The following SLC6A13 variants were observed in gnomAD, a reference collection of about 807,000 sequenced individuals.
The protein encoded by SLC6A13 is sodium- and chloride-dependent GABA transporter 2.
SLC6A13 carries 69 observed loss-of-function variants against 72.9 expected under a neutral mutation model. The ratio of observed to expected loss-of-function variants is 0.95; its 90% CI spans 0.78 to 1.16. The LOEUF (loss-of-function observed/expected upper bound fraction) is 1.16, where lower values mean the gene tolerates loss of function less well. Among genes scored for constraint, SLC6A13 ranks in the 50% most tolerant of loss-of-function variants. The probability of loss-of-function intolerance (pLI) is 0.00; values close to 1 mark genes in which losing one functional copy is unlikely to be tolerated. For synonymous variants in SLC6A13, 303 were observed against 303.0 expected, an observed-to-expected ratio of 1.00 and a Z score of 0.00; for missense variants, 735 against 760.5, an observed-to-expected ratio of 0.97 and a Z score of 0.39.
At position 258,151 on chromosome 12, in the gene SLC6A13, G is replaced by A. The variant is rs962593634; in HGVS notation, c.202+1700C>T. Among the ~76,000 whole-genome samples, 4 of 152,326 alleles carry A rather than the reference G, an allele frequency of 2.6e-5. No individual in the cohort carries two copies. In the South Asian group the frequency reaches 8.3e-4, roughly 32 times the overall value. ...TCCCTCTTCCCTCACAGTGCAAACT[G>A]AGCAAAGTCCTATGATTTCAGGCCA... On this transcript the variant is annotated intron_variant, in intron 2 of 14. Transcript: ENST00000343164.
intron 11 of SLC6A13, 147 bp downstream of exon 11, chr12:223,845 C>T (rs1473870240): frequency 1.1e-6 from 1 of 875,810 alleles, no homozygotes; most frequent in Admixed American, 2.3e-5. Flanking sequence ...CTTTGTCGTT[C>T]CTGGGATGGG....
At chr12:235,919 T>A (rs991176571) in intron 6 of SLC6A13, among the ~76,000 whole-genome samples, 6 of 152,162 alleles carry the variant, frequency 3.9e-5, no homozygotes, top group Non-Finnish European at 8.8e-5. Flanking sequence ...GACTGAGATA[T>A]GCCCTGGTCT....
At chr12:255,758 A>C (rs191709688) in intron 2 of SLC6A13, among the ~76,000 whole-genome samples, 115 of 152,306 alleles carry the variant, frequency 7.6e-4, no homozygotes, top group Non-Finnish European at 1.5e-3. Context: ...TCTGAATGTC[A>C]CTAGAGCAAA....
intron 7 of SLC6A13, among the ~76,000 whole-genome samples, chr12:229,998 A>C (rs1941640850): frequency 6.6e-6 from 1 of 151,876 alleles, no homozygotes. Context: ...GGGTCAATGC[A>C]CTCTTCTTTG....
At chr12:223,288 A>G in intron 11 of SLC6A13, 54 bp from the exon 12 acceptor site, 1 of 1,154,416 alleles carries the variant, frequency 8.7e-7, no homozygotes, top group Non-Finnish European at 1.3e-6. Flanking sequence ...AAACAGAAAG[A>G]TTCACTCCTA....
At chr12:221,108 C>A in intron 14 of SLC6A13, 38 bp from the exon 15 acceptor site, 2 of 1,553,912 alleles carry the variant, frequency 1.3e-6, no homozygotes, top group Non-Finnish European at 8.7e-7. Context: ...GGTGGTGGAG[C>A]GGGGGCAGGT....
At chr12:235,501 TCTTTA>T (rs1268085628) in intron 6 of SLC6A13, among the ~76,000 whole-genome samples, 3 of 152,210 alleles carry the variant, frequency 2.0e-5, no homozygotes, top group Non-Finnish European at 4.4e-5. Context: ...CTTATGCCTG[TCTTTA>T]CTTTAATCTC....
At chr12:226,246 G>A (rs1024598993) in intron 9 of SLC6A13, 144 bp downstream of exon 9, 10 of 955,090 alleles carry the variant, frequency 1.0e-5, no homozygotes, top group Middle Eastern at 2.4e-4. Flanking sequence ...TCAATTCTCC[G>A]CCAAGTCTTC....
intron 5 of SLC6A13, among the ~76,000 whole-genome samples, chr12:237,710 G>T (rs954856766): frequency 1.3e-5 from 2 of 152,148 alleles, no homozygotes; most frequent in Admixed American, 6.5e-5. Flanking sequence ...GCGGGGGTGC[G>T]GGCAAGGAAG....
intron 2 of SLC6A13, among the ~76,000 whole-genome samples, chr12:248,286 T>C (rs1442095295): frequency 8.1e-6 from 1 of 123,602 alleles, no homozygotes; most frequent in African/African-American, 3.1e-5. Context: ...TAGAAAGATA[T>C]ACCATGCTGG....
At position 224,425 on chromosome 12, in the gene SLC6A13, G is replaced by C; in HGVS notation, c.1149C>G (p.Val383=). 1.2e-6 allele frequency: 2 copies of C among 1,614,032 alleles called. No homozygotes were observed. Among genetic ancestry groups the C allele is most frequent in the Admixed American group, 1.7e-5 (1 of 60,028 alleles). ...PLWACCFFFM[V]VLLGLDSQFV... The stretch of plus-strand genomic sequence containing the variant: ...CCTGGCTATCCAGTCCCAGGAGAAC[G>C]ACCATGAAGAAGAAACAGCAGGCCC... The change falls in exon 10 of 15, where the codon GTC becomes GTG. Residue 383 remains valine, a synonymous_variant. Transcript: ENST00000343164.
chr12:251,161 A>AC (rs1055774090), intron 2 of SLC6A13, among the ~76,000 whole-genome samples: 4 of 151,044 alleles, frequency 2.6e-5, no homozygotes, highest in African/African-American at 9.9e-5. Context: ...GTCTCAAAAA[A>AC]AAACAAAAAA....
At chr12:236,274 A>C (rs2137282772) in intron 6 of SLC6A13, among the ~76,000 whole-genome samples, 1 of 151,902 alleles carries the variant, frequency 6.6e-6, no homozygotes, top group East Asian at 1.9e-4. Context: ...CCCTTTTAAA[A>C]CCCTTAATAA....
chr12:255,201 G>C (rs773539693), intron 2 of SLC6A13, among the ~76,000 whole-genome samples: 1 of 152,124 alleles, frequency 6.6e-6, no homozygotes, highest in Non-Finnish European at 1.5e-5. Context: ...TGAGCTACTC[G>C]CTCTGCCAGC....
In SLC6A13 at chr12:235,573, G is replaced by A. The variant is rs144561752; in HGVS notation, c.697-349C>T. On this transcript the variant is annotated intron_variant, in intron 6 of 14. Coordinates refer to ENST00000343164, the MANE Select transcript of SLC6A13 (RefSeq NM_016615.5). ...TACATCACCTCACCTCAAGACCACC[G>A]TGATAATTGTATTAACTGTACAAAT... 1.1e-3 allele frequency among the ~76,000 whole-genome samples: 173 copies of A among 152,084 alleles called. 1 individual carries two copies. Among genetic ancestry groups the A allele is most frequent in the African/African-American group, 3.4e-3 (143 of 41,472 alleles).
chr12:228,370 C>T (rs944467721), intron 7 of SLC6A13, among the ~76,000 whole-genome samples: 1 of 152,098 alleles, frequency 6.6e-6, no homozygotes, highest in Non-Finnish European at 1.5e-5. Context: ...CAGGACCGAG[C>T]GACCCTGCAG....
Position 242,613 on chromosome 12 carries a change from C to A in SLC6A13, c.478+1G>T. On this transcript the variant is annotated splice_donor_variant, in intron 4 of 14. Coordinates refer to ENST00000343164, the MANE Select transcript of SLC6A13 (RefSeq NM_016615.5). LOFTEE classifies it high-confidence loss of function. ...AGTGGACCCTTGGGTGAGGACCATA[C>A]CTGTGTTCCACTCATGGTAGCAGCC... 6.2e-7 allele frequency: 1 copy of A among 1,613,584 alleles called. No homozygotes were observed. The highest frequency in any genetic ancestry group is 8.5e-7 in the Non-Finnish European group (1 of 1,179,708).
intron 2 of SLC6A13, among the ~76,000 whole-genome samples, chr12:247,522 A>G (rs1157155083): frequency 6.6e-6 from 1 of 152,234 alleles, no homozygotes; most frequent in Non-Finnish European, 1.5e-5. Context: ...GGAAAGTGAA[A>G]TAACTGTTTC....
chr12:226,670 A>C, intron 8 of SLC6A13, 156 bp from the exon 9 acceptor site: 1 of 876,034 alleles, frequency 1.1e-6, no homozygotes, highest in East Asian at 2.9e-5. Context: ...AATTCAGAGG[A>C]CCACGCAAAG....
Sources: gnomAD v4.1 joint callset for allele counts (sites outside exome capture counted in the v4.1 genomes callset) on GRCh38, gnomAD v4.1.1 for gene constraint, MANE v1.5 for transcripts, NCBI Gene and HGNC (gene_info 2026-07-23, HGNC 2026-07-21) for gene names.